ESRRG: variants seen among roughly 807,000 people sequenced by gnomAD.
The protein encoded by ESRRG is estrogen related receptor gamma.
A neutral mutation model predicts 44.0 loss-of-function variants in ESRRG; 13 were observed. The ratio of observed to expected loss-of-function variants is 0.30; its 90% CI spans 0.19 to 0.47. The LOEUF (loss-of-function observed/expected upper bound fraction) is 0.47, where lower values mean the gene tolerates loss of function less well. Among genes scored for constraint, ESRRG ranks in the 20% least tolerant of loss-of-function variants. The pLI, the probability that ESRRG is intolerant of heterozygous loss-of-function variation, is 1.00. For synonymous variants in ESRRG, 215 were observed against 214.6 expected (o/e 1.00, Z -0.02); for missense variants, 395 against 580.6 (o/e 0.68, Z 3.29).
chr1:216,615,594 G>A (rs2061316048), intron 3 of ESRRG, among the ~76,000 whole-genome samples: 1 of 152,166 alleles, frequency 6.6e-6, no homozygotes, highest in Admixed American at 6.5e-5. Flanking sequence ...ATATGGCATT[G>A]TGAGAAACAT....
chr1:216,986,727 A>AAAAT (rs773613066), intron 1 of ESRRG, among the ~76,000 whole-genome samples: 1 of 152,056 alleles, frequency 6.6e-6, no homozygotes, highest in African/African-American at 2.4e-5. Flanking sequence ...ACTCTGCCTC[A>AAAAT]AAATAAATAA....
intron 1 of ESRRG, among the ~76,000 whole-genome samples, chr1:216,964,322 T>C (rs10492955): frequency 0.039 from 5,883 of 152,142 alleles, 336 homozygotes; most frequent in African/African-American, 0.13. Context: ...TGCTTTGCAA[T>C]GAAATAGATT....
rs544944184 is a variant in ESRRG at position 216,926,095 on chromosome 1, C to T, written c.-14+13487G>A. Reference sequence around the variant, plus strand: ...ATCTGGTACAGATCTGCAAGCAAAACGCTGGGATGGATGGACCAGTGTTTT... The same window carrying T: ...ATCTGGTACAGATCTGCAAGCAAAATGCTGGGATGGATGGACCAGTGTTTT... On this transcript the variant is annotated intron_variant, in intron 2 of 7. Transcript: ENST00000359162. 1.3e-4 allele frequency among the ~76,000 whole-genome samples: 20 copies of T among 152,310 alleles called. No individual in the cohort carries two copies. The East Asian group carries it at 2.1e-3, about 16-fold the overall frequency.
intron 3 of ESRRG, among the ~76,000 whole-genome samples, chr1:216,583,843 G>A (rs113256819): frequency 0.15 from 22,177 of 152,160 alleles, 2,129 homozygotes; most frequent in Non-Finnish European, 0.21. Flanking sequence ...AGCAGGCAAA[G>A]AGAGAGAGAG....
chr1:216,909,144 G>T (rs538472563), intron 2 of ESRRG, among the ~76,000 whole-genome samples: 10 of 152,292 alleles, frequency 6.6e-5, no homozygotes, highest in Non-Finnish European at 1.3e-4. Flanking sequence ...GTGTGACTTT[G>T]TTGAGCCTTA....
intron 2 of ESRRG, among the ~76,000 whole-genome samples, chr1:216,891,074 A>G (rs2057728175): frequency 1.3e-5 from 2 of 152,242 alleles, no homozygotes; most frequent in Admixed American, 1.3e-4. Flanking sequence ...CCATATGGAA[A>G]AAAAGGTTTC....
At chr1:216,936,254 C>T (rs773109692) in intron 2 of ESRRG, among the ~76,000 whole-genome samples, 3 of 151,948 alleles carry the variant, frequency 2.0e-5, no homozygotes, top group South Asian at 2.1e-4. Flanking sequence ...GCTTCTTGTA[C>T]CATGTGTCCA....
intron 1 of ESRRG, among the ~76,000 whole-genome samples, chr1:216,699,137 T>C (rs544726611): frequency 1.3e-5 from 2 of 152,188 alleles, no homozygotes; most frequent in East Asian, 1.9e-4. Flanking sequence ...GCTACTAAAA[T>C]ATCTGCCACA....
intron 1 of ESRRG, among the ~76,000 whole-genome samples, chr1:216,684,947 C>T (rs1319488707): frequency 3.9e-5 from 6 of 152,286 alleles, no homozygotes; most frequent in South Asian, 2.1e-4. Context: ...AACTACATGA[C>T]GCCAATGGAT....
At chr1:217,044,107 C>A (rs937122028) in intron 1 of ESRRG, among the ~76,000 whole-genome samples, 4 of 152,182 alleles carry the variant, frequency 2.6e-5, no homozygotes, top group Middle Eastern at 3.2e-3. Context: ...AATTGGCTTT[C>A]AAGTTTACTG....
chr1:216,780,620 G>A (rs967080545), intron 2 of ESRRG, among the ~76,000 whole-genome samples: 4 of 151,936 alleles, frequency 2.6e-5, no homozygotes, highest in Admixed American at 2.0e-4. Flanking sequence ...AGGGAGATCT[G>A]AGGCTCTGTG....
intron 5 of ESRRG, among the ~76,000 whole-genome samples, chr1:216,523,601 G>A (rs981719891): frequency 2.6e-5 from 4 of 151,266 alleles, no homozygotes; most frequent in Admixed American, 6.6e-5. Flanking sequence ...AATATCTGAC[G>A]GCTAGTCTTC....
intron 1 of ESRRG, among the ~76,000 whole-genome samples, chr1:217,074,324 C>T (rs2151471409): frequency 6.6e-6 from 1 of 151,894 alleles, no homozygotes; most frequent in African/African-American, 2.4e-5. Context: ...GCTGGGATTA[C>T]AGGCATGAAC....
chr1:216,973,862 T>A (rs899050178), intron 1 of ESRRG, among the ~76,000 whole-genome samples: 6 of 150,428 alleles, frequency 4.0e-5, no homozygotes, highest in Non-Finnish European at 7.4e-5. Context: ...GATGAATGAA[T>A]GAATAGATGA....
chr1:216,768,082 A>T (rs1430707711), intron 2 of ESRRG, among the ~76,000 whole-genome samples: 1 of 152,112 alleles, frequency 6.6e-6, no homozygotes, highest in African/African-American at 2.4e-5. Context: ...CAAAATCCTG[A>T]AAGGAAGGGG....
intron 1 of ESRRG, among the ~76,000 whole-genome samples, chr1:216,975,413 A>T (rs2072658572): frequency 1.3e-5 from 2 of 152,228 alleles, no homozygotes; most frequent in South Asian, 4.1e-4. Context: ...GGAAAACCAG[A>T]AAGTACAAAA....
chr1:216,834,513 G>A (rs2095534011), intron 2 of ESRRG, among the ~76,000 whole-genome samples: 1 of 152,054 alleles, frequency 6.6e-6, no homozygotes, highest in African/African-American at 2.4e-5. Flanking sequence ...AGATGACTTA[G>A]GTATTTTTCA....
At position 216,844,598 on chromosome 1, in the gene ESRRG, G is replaced by A. The variant is rs368420667; in HGVS notation, c.-14+94984C>T. On this transcript the variant is annotated intron_variant, in intron 2 of 7. Transcript: ENST00000359162. ...CCTCCATTAAGGCCCTCTGCCTTAGGCATTCTACTCTGAGACTTCACCCTC... is the reference window on the plus strand; with the variant it reads ...CCTCCATTAAGGCCCTCTGCCTTAGACATTCTACTCTGAGACTTCACCCTC... Among the ~76,000 whole-genome samples, 33 of 151,956 alleles carry A rather than the reference G, an allele frequency of 2.2e-4. No individual in the cohort carries two copies. The East Asian group carries it at 4.1e-3, about 19-fold the overall frequency.
At chr1:216,616,501 A>G (rs528823221) in intron 3 of ESRRG, among the ~76,000 whole-genome samples, 4 of 152,336 alleles carry the variant, frequency 2.6e-5, no homozygotes, top group South Asian at 2.1e-4. Context: ...CATTTTGTTT[A>G]TAAATGCAAA....
Sources: gnomAD v4.1 joint callset for allele counts (sites outside exome capture counted in the v4.1 genomes callset) on GRCh38, gnomAD v4.1.1 for gene constraint, MANE v1.5 for transcripts, NCBI Gene and HGNC (gene_info 2026-07-23, HGNC 2026-07-21) for gene names.